Variants in GHR observed in about 807,000 individuals in gnomAD.
GHR encodes the protein growth hormone receptor, also known as GH receptor.
GHR carries 35 observed loss-of-function variants against 67.1 expected under a neutral mutation model. The observed-to-expected ratio is 0.52, with a 90% CI of 0.40 to 0.69. GHR has a LOEUF of 0.69. Among genes scored for constraint, GHR ranks in the 30% least tolerant of loss-of-function variants. GHR has a pLI of 0.00. For missense variants in GHR, 792 were observed against 764.6 expected (o/e 1.04, Z -0.42); for synonymous variants, 272 against 269.1 (o/e 1.01, Z -0.10).
intron 3 of GHR, among the ~76,000 whole-genome samples, chr5:42,674,863 C>T (rs1756493924): frequency 6.6e-6 from 1 of 152,000 alleles, no homozygotes; most frequent in Admixed American, 6.5e-5. Context: ...GGGCATATAC[C>T]TAGGAGCAGA....
intron 1 of GHR, among the ~76,000 whole-genome samples, chr5:42,489,860 T>C (rs933833339): frequency 2.0e-5 from 3 of 152,224 alleles, no homozygotes; most frequent in African/African-American, 7.2e-5. Context: ...GTGTTGGATA[T>C]AGCCAGCTGA....
At chr5:42,562,644 CTTTT>C (rs1212633265) in intron 1 of GHR, among the ~76,000 whole-genome samples, 24 of 77,750 alleles carry the variant, frequency 3.1e-4, no homozygotes, top group Admixed American at 1.1e-3. Context: ...GTTATAGTTC[CTTTT>C]TTTTTTTTTT....
chr5:42,590,464 G>A (rs562179899), intron 2 of GHR, among the ~76,000 whole-genome samples: 1 of 152,128 alleles, frequency 6.6e-6, no homozygotes, highest in East Asian at 1.9e-4. Context: ...ATTTATTGTG[G>A]GGAAGACTGC....
chr5:42,584,275 T>C (rs191088666), intron 2 of GHR, among the ~76,000 whole-genome samples: 165 of 152,332 alleles, frequency 1.1e-3, no homozygotes, highest in Admixed American at 2.2e-3. Flanking sequence ...TCAGCTTTTT[T>C]TTAAATGAAT....
rs577368087 is a variant in GHR at position 42,665,100 on chromosome 5, A to G, written c.137-23790A>G. 3.4e-3 allele frequency among the ~76,000 whole-genome samples: 514 copies of G among 152,340 alleles called. 4 individuals carry two copies. Among genetic ancestry groups the G allele is most frequent in the Non-Finnish European group, 6.0e-3 (410 of 68,042 alleles). ...GATCATTAAAAAGTCAGGAAACAACAGGTGCTGGATAGGATGTGGAGAAAT... is the reference window on the plus strand; with the variant it reads ...GATCATTAAAAAGTCAGGAAACAACGGGTGCTGGATAGGATGTGGAGAAAT... On this transcript the variant is annotated intron_variant, in intron 3 of 9. Transcript: ENST00000230882.
chr5:42,697,488 A>T (rs1757730043), intron 5 of GHR, among the ~76,000 whole-genome samples: 1 of 152,182 alleles, frequency 6.6e-6, no homozygotes, highest in Non-Finnish European at 1.5e-5. Flanking sequence ...GTGGCATTTG[A>T]ATAAAGAAGG....
At chr5:42,582,004 G>A (rs1245728074) in intron 2 of GHR, among the ~76,000 whole-genome samples, 2 of 152,248 alleles carry the variant, frequency 1.3e-5, no homozygotes, top group African/African-American at 2.4e-5. Context: ...TCATGACCTG[G>A]TCAGGTGTGC....
chr5:42,542,715 G>A lies in GHR; in HGVS notation c.-11-23149G>A, dbSNP rs952438124. On this transcript the variant is annotated intron_variant, in intron 1 of 9. Coordinates refer to ENST00000230882, the MANE Select transcript of GHR (RefSeq NM_000163.5). ...ATTGTATGGTGGTAGTGAAGTCTGA[G>A]ATTTTAGTTCATCCATCACCCAAGT... Among the ~76,000 whole-genome samples, 11 of 152,184 alleles carry A rather than the reference G, an allele frequency of 7.2e-5. No homozygotes were observed. In the South Asian group the frequency reaches 1.0e-3, roughly 14 times the overall value.
chr5:42,643,173 A>G (rs1754564179), intron 3 of GHR, among the ~76,000 whole-genome samples: 1 of 152,178 alleles, frequency 6.6e-6, no homozygotes, highest in African/African-American at 2.4e-5. Flanking sequence ...TGATTATCCT[A>G]TAAAGAATGT....
chr5:42,489,134 A>G (rs563659222), intron 1 of GHR, among the ~76,000 whole-genome samples: 1 of 151,672 alleles, frequency 6.6e-6, no homozygotes, highest in East Asian at 1.9e-4. Context: ...TCAATCTTCA[A>G]TCTTCTCTGC....
At chr5:42,583,498 A>C (rs1008463203) in intron 2 of GHR, among the ~76,000 whole-genome samples, 23 of 152,232 alleles carry the variant, frequency 1.5e-4, no homozygotes, top group Admixed American at 6.5e-5. Flanking sequence ...AACTGGGAAC[A>C]GCAGGAAAGT....
At chr5:42,467,468 A>T (rs1314127972) in intron 1 of GHR, 6 of 988,646 alleles carry the variant, frequency 6.1e-6, no homozygotes, top group Non-Finnish European at 9.6e-6. Flanking sequence ...TTACATTTAC[A>T]GCATTTTTCT....
chr5:42,536,186 A>C (rs1436021458), intron 1 of GHR, among the ~76,000 whole-genome samples: 1 of 151,704 alleles, frequency 6.6e-6, no homozygotes, highest in Non-Finnish European at 1.5e-5. Context: ...TCTGGCTAGG[A>C]CTCCCAGTAC....
At chr5:42,538,661 G>T (rs1363098825) in intron 1 of GHR, among the ~76,000 whole-genome samples, 2 of 152,154 alleles carry the variant, frequency 1.3e-5, no homozygotes, top group Non-Finnish European at 2.9e-5. Context: ...CCTAGGTGAT[G>T]ATTTCTTTGC....
intron 5 of GHR, among the ~76,000 whole-genome samples, chr5:42,696,281 C>T (rs1267912865): frequency 6.6e-6 from 1 of 152,138 alleles, no homozygotes; most frequent in African/African-American, 2.4e-5. Context: ...CAGGCATGTT[C>T]ACAAATAATT....
chr5:42,563,624 C>CAAAAAAAAAAAAAAAAAA (rs1168788232), intron 1 of GHR, among the ~76,000 whole-genome samples: 1 of 45,094 alleles, frequency 2.2e-5, no homozygotes, highest in African/African-American at 8.5e-5. Flanking sequence ...GACTCCGTCT[C>CAAAAAAAAAAAAAAAAAA]AAAAAAAAAA....
intron 1 of GHR, among the ~76,000 whole-genome samples, chr5:42,532,870 A>G (rs1002441332): frequency 3.3e-5 from 5 of 152,190 alleles, no homozygotes; most frequent in Admixed American, 3.3e-4. Flanking sequence ...ACAATTTTTA[A>G]TTAAAATTAA....
In GHR at chr5:42,670,876, A is replaced by T. The variant is rs1282398100; in HGVS notation, c.137-18014A>T. 8.2e-3 allele frequency among the ~76,000 whole-genome samples: 781 copies of T among 94,864 alleles called. 8 individuals are homozygous for T. The highest frequency in any genetic ancestry group is 0.025 in the African/African-American group (700 of 27,528). 62.2% of individuals were successfully genotyped at this position (94,864 alleles called of 152,430 possible). On this transcript the variant is annotated intron_variant, in intron 3 of 9. Coordinates refer to ENST00000230882, the MANE Select transcript of GHR (RefSeq NM_000163.5). Reference sequence around the variant, plus strand: ...AAAAAAGCAAAAATTAAAAAAAAAAAAAAAATATATATATATATATAGGCA... The same window carrying T: ...AAAAAAGCAAAAATTAAAAAAAAAATAAAAATATATATATATATATAGGCA...
At chr5:42,682,618 A>G (rs1034594170) in intron 3 of GHR, among the ~76,000 whole-genome samples, 5 of 152,188 alleles carry the variant, frequency 3.3e-5, no homozygotes, top group Non-Finnish European at 5.9e-5. Flanking sequence ...GTGATTAAGG[A>G]GAAACTAAAC....
Sources: gnomAD v4.1 joint callset for allele counts (sites outside exome capture counted in the v4.1 genomes callset) on GRCh38, gnomAD v4.1.1 for gene constraint, MANE v1.5 for transcripts, NCBI Gene and HGNC (gene_info 2026-07-23, HGNC 2026-07-21) for gene names.